Variants in FA2H observed in about 807,000 individuals in gnomAD.
FA2H encodes the protein fatty acid 2-hydroxylase, also known as fatty acid alpha-hydroxylase.
FA2H carries 22 observed loss-of-function variants against 44.9 expected under a neutral mutation model. The observed-to-expected ratio is 0.49, with a 90% CI of 0.35 to 0.70. FA2H has a LOEUF of 0.70. Ranked by LOEUF, FA2H falls within the 30% of genes least tolerant of loss-of-function variation. The pLI is 0.01. For synonymous variants in FA2H, 243 were observed against 213.2 expected, an observed-to-expected ratio of 1.14 and a Z score of -1.22; for missense variants, 501 against 504.9, an observed-to-expected ratio of 0.99 and a Z score of 0.07.
chr16:74,754,148 C>T (rs555532758), intron 1 of FA2H, among the ~76,000 whole-genome samples: 3 of 152,352 alleles, frequency 2.0e-5, no homozygotes, highest in Admixed American at 6.5e-5. Context: ...GTAATTGCAG[C>T]ACTTTGGGAG....
intron 1 of FA2H, among the ~76,000 whole-genome samples, chr16:74,763,249 C>T (rs568334345): frequency 5.9e-5 from 9 of 152,042 alleles, no homozygotes; most frequent in South Asian, 2.1e-4. Flanking sequence ...AAGTTATTAA[C>T]GTTTGGAATT....
intron 1 of FA2H, among the ~76,000 whole-genome samples, chr16:74,768,587 C>T (rs772860572): frequency 1.2e-4 from 19 of 152,194 alleles, no homozygotes; most frequent in Non-Finnish European, 2.4e-4. Flanking sequence ...CAGAAGGTGG[C>T]GGCAGTTCAG....
chr16:74,766,051 T>A (rs1962803011), intron 1 of FA2H, among the ~76,000 whole-genome samples: 1 of 152,178 alleles, frequency 6.6e-6, no homozygotes, highest in African/African-American at 2.4e-5. Context: ...CTCACACCTG[T>A]GATCCCAGCA....
chr16:74,722,687 C>T (rs556869173), intron 4 of FA2H, among the ~76,000 whole-genome samples: 1 of 151,840 alleles, frequency 6.6e-6, no homozygotes, highest in Non-Finnish European at 1.5e-5. Context: ...CTGAGGTGGG[C>T]GGATCAGCTG....
At chr16:74,729,518 T>C (rs141663422) in intron 2 of FA2H, among the ~76,000 whole-genome samples, 1 of 152,328 alleles carries the variant, frequency 6.6e-6, no homozygotes, top group Non-Finnish European at 1.5e-5. Flanking sequence ...GCAAATACTT[T>C]AGAAATAATT....
At chr16:74,770,817 T>C (rs1037501678) in intron 1 of FA2H, among the ~76,000 whole-genome samples, 1 of 152,252 alleles carries the variant, frequency 6.6e-6, no homozygotes, top group African/African-American at 2.4e-5. Context: ...GTTTTGAGTT[T>C]TGTTCCACAT....
In FA2H at chr16:74,772,337, A is replaced by G. The variant is rs185890505; in HGVS notation, c.270+2149T>C. The stretch of plus-strand genomic sequence containing the variant: ...TCTCAGTGTCAATGTCGCTTTCTCA[A>G]GAAGGCTCTCTATGCTCCTCCCCTC... On this transcript the variant is annotated intron_variant, in intron 1 of 6. Coordinates refer to ENST00000219368, the MANE Select transcript of FA2H (RefSeq NM_024306.5). 1.5e-3 allele frequency among the ~76,000 whole-genome samples: 222 copies of G among 152,332 alleles called. 6 individuals are homozygous for G. The South Asian group carries it at 0.037, about 26-fold the overall frequency.
intron 2 of FA2H, 52 bp downstream of exon 2, chr16:74,739,971 C>G: frequency 7.3e-7 from 1 of 1,377,684 alleles, no homozygotes. Context: ...TCTTCCTCTC[C>G]TCATTCCCGC....
intron 1 of FA2H, among the ~76,000 whole-genome samples, chr16:74,758,008 G>C (rs1328540728): frequency 6.6e-6 from 1 of 152,032 alleles, no homozygotes; most frequent in Non-Finnish European, 1.5e-5. Flanking sequence ...GATAGAGTGA[G>C]AGCCTGTCTT....
At chr16:74,728,522 G>A (rs1354932948) in intron 2 of FA2H, among the ~76,000 whole-genome samples, 3 of 152,116 alleles carry the variant, frequency 2.0e-5, no homozygotes, top group Non-Finnish European at 4.4e-5. Context: ...AGTTGAATAT[G>A]GTTGTGGCCT....
At chr16:74,763,255 G>A (rs547731085) in intron 1 of FA2H, among the ~76,000 whole-genome samples, 1 of 151,940 alleles carries the variant, frequency 6.6e-6, no homozygotes, top group Non-Finnish European at 1.5e-5. Flanking sequence ...TTAACGTTTG[G>A]AATTTTTTTT....
chr16:74,747,489 C>G (rs1266995374), intron 1 of FA2H, among the ~76,000 whole-genome samples: 2 of 152,130 alleles, frequency 1.3e-5, no homozygotes, highest in African/African-American at 4.8e-5. Context: ...ACAAAGAACT[C>G]TATGCTGAAG....
At chr16:74,722,037 C>T (rs1446872103) in intron 4 of FA2H, among the ~76,000 whole-genome samples, 6 of 152,210 alleles carry the variant, frequency 3.9e-5, no homozygotes, top group Admixed American at 6.5e-5. Flanking sequence ...TGATTGAGGA[C>T]GTGGAGGCCC....
intron 4 of FA2H, among the ~76,000 whole-genome samples, chr16:74,722,911 CAAA>C (rs554074212): frequency 0.55 from 60,990 of 111,266 alleles, 15,114 homozygotes; most frequent in Middle Eastern, 0.66. Flanking sequence ...AACTCCATCT[CAAA>C]AAAAAAAAAA....
Position 74,714,138 on chromosome 16 carries a change from T to A in FA2H, c.*52A>T. Reference sequence around the variant, plus strand: ...ATGGGGTCTGAATGGCGGGTGGGGGTCGGGAAGGGGCCAGGGCCGGGCTGA... The same window carrying A: ...ATGGGGTCTGAATGGCGGGTGGGGGACGGGAAGGGGCCAGGGCCGGGCTGA... On this transcript the variant is annotated 3_prime_UTR_variant, in exon 7 of 7. Coordinates refer to ENST00000219368, the MANE Select transcript of FA2H (RefSeq NM_024306.5). 8.7e-7 allele frequency: 1 copy of A among 1,153,856 alleles called. No homozygotes were observed. The highest frequency in any genetic ancestry group is 1.3e-5 in the South Asian group (1 of 74,956). The allele number at this position is 1,153,856 out of a possible 1,614,324, so 71.5% of individuals were successfully genotyped here.
rs560783809 is a variant in FA2H, at chr16:74,761,971, G to T, written c.270+12515C>A. Among the ~76,000 whole-genome samples the T allele has an allele frequency of 2.0e-5, 3 of 152,306 alleles. No individual in the cohort carries two copies. The East Asian group carries it at 5.8e-4, about 29-fold the overall frequency. On this transcript the variant is annotated intron_variant, in intron 1 of 6. Transcript: ENST00000219368. Reference sequence around the variant, plus strand: ...AGACCCTTAGCCCTTAAATACACTTGTTAATAAGATGACTCATTTAGGAGT... The same window carrying T: ...AGACCCTTAGCCCTTAAATACACTTTTTAATAAGATGACTCATTTAGGAGT...
At chr16:74,725,177 C>A (rs1961925470) in intron 4 of FA2H, among the ~76,000 whole-genome samples, 1 of 152,200 alleles carries the variant, frequency 6.6e-6, no homozygotes, top group Non-Finnish European at 1.5e-5. Flanking sequence ...GAACTTCCTG[C>A]AGCTCGCTCA....
chr16:74,727,300 G>A lies in FA2H; in HGVS notation c.450C>T (p.Thr150=). The A allele has an allele frequency of 6.2e-7, 1 of 1,614,186 alleles. No individual in the cohort carries two copies. Among genetic ancestry groups the A allele is most frequent in the South Asian group, 1.1e-5 (1 of 91,088 alleles). ...KYDEWVHQPV[T]RPIRLFHSDL... ...CTGAGTGGAAGAGGCGGATGGGCCTGGTCACCGGCTGGTGAACCCACTCAT... is the reference window on the plus strand; with the variant it reads ...CTGAGTGGAAGAGGCGGATGGGCCTAGTCACCGGCTGGTGAACCCACTCAT... Residue 150 remains threonine, a synonymous_variant, in exon 3 of 7, where the codon ACC becomes ACT. Transcript: ENST00000219368.
intron 1 of FA2H, among the ~76,000 whole-genome samples, chr16:74,743,426 GA>G (rs1962352037): frequency 6.6e-6 from 1 of 152,232 alleles, no homozygotes; most frequent in African/African-American, 2.4e-5. Flanking sequence ...GTGACATGAA[GA>G]AACCGGAGGA....
Sources: gnomAD v4.1 joint callset for allele counts (sites outside exome capture counted in the v4.1 genomes callset) on GRCh38, gnomAD v4.1.1 for gene constraint, MANE v1.5 for transcripts, NCBI Gene and HGNC (gene_info 2026-07-23, HGNC 2026-07-21) for gene names.